SPHKAP: variants seen among roughly 807,000 people sequenced by gnomAD.
The protein encoded by SPHKAP is A-kinase anchor protein SPHKAP.
Under a neutral mutation model 137.5 loss-of-function variants are expected in SPHKAP, and 67 were observed. That is an observed-to-expected ratio of 0.49 (90% confidence interval 0.40 to 0.60). The LOEUF (loss-of-function observed/expected upper bound fraction) is 0.60. Ranked by LOEUF, SPHKAP falls within the 20% of genes least tolerant of loss-of-function variation. The pLI is 0.00. For synonymous variants in SPHKAP, 813 were observed against 785.3 expected (o/e 1.04, Z -0.59); for missense variants, 2,097 against 2,069.3 (o/e 1.01, Z -0.26).
chr2:228,077,182 A>G (rs1467031626), intron 3 of SPHKAP, among the ~76,000 whole-genome samples: 1 of 152,206 alleles, frequency 6.6e-6, no homozygotes, highest in Non-Finnish European at 1.5e-5. Context: ...CGAGGTCCTC[A>G]TGGAGAACCT....
At chr2:228,094,661 C>T (rs1240301851) in intron 3 of SPHKAP, among the ~76,000 whole-genome samples, 1 of 152,046 alleles carries the variant, frequency 6.6e-6, no homozygotes, top group Non-Finnish European at 1.5e-5. Flanking sequence ...TGAATCAGCT[C>T]CTTTGGAATT....
intron 1 of SPHKAP, among the ~76,000 whole-genome samples, chr2:228,170,331 C>T (rs551614672): frequency 1.2e-4 from 18 of 152,214 alleles, no homozygotes; most frequent in African/African-American, 2.4e-4. Flanking sequence ...AATGCATAAA[C>T]TTAACTGATA....
In SPHKAP at chr2:228,013,252, T is replaced by C. The variant is rs779520366; in HGVS notation, c.4448+3154A>G. Among the ~76,000 whole-genome samples, 5 of 152,176 alleles carry C rather than the reference T, an allele frequency of 3.3e-5. No homozygotes were observed. In the South Asian group the frequency reaches 8.3e-4, roughly 25 times the overall value. On this transcript the variant is annotated intron_variant, in intron 7 of 11. Transcript: ENST00000392056. ...AAATCTTCACAGTGTTTGTAAGATA[T>C]TCCTTTTTCTTTTTTTTGAGACAGA...
At chr2:228,053,170 C>A (rs1696317267) in intron 3 of SPHKAP, among the ~76,000 whole-genome samples, 1 of 152,154 alleles carries the variant, frequency 6.6e-6, no homozygotes, top group Admixed American at 6.5e-5. Context: ...ATCTCTCTTC[C>A]CCCTGGTGTC....
intron 2 of SPHKAP, among the ~76,000 whole-genome samples, chr2:228,127,093 A>G (rs947610949): frequency 1.3e-5 from 2 of 152,194 alleles, no homozygotes; most frequent in African/African-American, 2.4e-5. Context: ...ACAGATTTCA[A>G]TTATCCGTGT....
At chr2:228,022,404 G>A (rs1008152236) in intron 5 of SPHKAP, among the ~76,000 whole-genome samples, 1 of 152,126 alleles carries the variant, frequency 6.6e-6, no homozygotes, top group African/African-American at 2.4e-5. Context: ...TTTGATAATT[G>A]GCTTTACCCA....
At chr2:228,053,080 A>G (rs1696314258) in intron 3 of SPHKAP, among the ~76,000 whole-genome samples, 1 of 152,026 alleles carries the variant, frequency 6.6e-6, no homozygotes, top group Non-Finnish European at 1.5e-5. Flanking sequence ...TGCTGACTTG[A>G]TTCCTGCTGA....
intron 1 of SPHKAP, chr2:228,173,040 T>A: frequency 1.0e-6 from 1 of 985,406 alleles, no homozygotes; most frequent in Non-Finnish European, 1.2e-6. Context: ...AAAGAGTGAA[T>A]TTGGTAGGGT....
chr2:228,079,276 G>A (rs898380605), intron 3 of SPHKAP, among the ~76,000 whole-genome samples: 4 of 152,322 alleles, frequency 2.6e-5, no homozygotes, highest in Non-Finnish European at 4.4e-5. Flanking sequence ...CTGACAGGAG[G>A]CAGAGCTCAG....
chr2:228,140,806 C>T (rs954527830), intron 1 of SPHKAP, among the ~76,000 whole-genome samples: 56 of 151,940 alleles, frequency 3.7e-4, no homozygotes, highest in African/African-American at 1.3e-3. Flanking sequence ...GATGACACCC[C>T]CCTCTCGCTC....
At chr2:228,135,157 C>T (rs1475644567) in intron 1 of SPHKAP, among the ~76,000 whole-genome samples, 1 of 151,632 alleles carries the variant, frequency 6.6e-6, no homozygotes, top group African/African-American at 2.4e-5. Flanking sequence ...GCCTGTAATC[C>T]CAGCTACTCA....
At chr2:228,048,245 T>C (rs1272241715) in intron 3 of SPHKAP, among the ~76,000 whole-genome samples, 2 of 151,736 alleles carry the variant, frequency 1.3e-5, no homozygotes, top group Admixed American at 1.3e-4. Context: ...AACCCTGACG[T>C]AAAACTCAGT....
chr2:228,084,179 G>A (rs1275503900), intron 3 of SPHKAP, among the ~76,000 whole-genome samples: 1 of 151,704 alleles, frequency 6.6e-6, no homozygotes, highest in Non-Finnish European at 1.5e-5. Context: ...AAAACCTTCT[G>A]TCATCTGCCT....
At chr2:228,032,707 A>C (rs185099100) in intron 3 of SPHKAP, among the ~76,000 whole-genome samples, 9 of 152,342 alleles carry the variant, frequency 5.9e-5, no homozygotes, top group African/African-American at 1.9e-4. Flanking sequence ...GCCAGAAAAG[A>C]GTAGGGACCA....
At chr2:228,077,755 T>G (rs2106310412) in intron 3 of SPHKAP, among the ~76,000 whole-genome samples, 1 of 152,316 alleles carries the variant, frequency 6.6e-6, no homozygotes, top group African/African-American at 2.4e-5. Context: ...TTTGGGGGAC[T>G]GTTGGGAAGG....
In SPHKAP at chr2:228,025,387, G is replaced by A. The variant is rs757419830; in HGVS notation, c.441+7C>T. 2 of 1,613,612 alleles carry A rather than the reference G, an allele frequency of 1.2e-6. No individual in the cohort carries two copies. The highest frequency in any genetic ancestry group is 1.1e-5 in the South Asian group (1 of 91,072). The stretch of plus-strand genomic sequence containing the variant: ...AGTAAATGGCTTATCAAGAACTTAT[G>A]TCTTACCTGTGAAACTTCAAAATCT... On this transcript the variant is annotated splice_region_variant and intron_variant, in intron 5 of 11. Transcript: ENST00000392056.
intron 3 of SPHKAP, among the ~76,000 whole-genome samples, chr2:228,076,666 G>A (rs1697192842): frequency 6.6e-6 from 1 of 152,186 alleles, no homozygotes; most frequent in Admixed American, 6.5e-5. Context: ...GCATTGAAGA[G>A]GTGACTTGGG....
In SPHKAP at chr2:228,108,822, G is replaced by A. The variant is rs1269042680; in HGVS notation, c.246+10C>T. 6.3e-7 allele frequency: 1 copy of A among 1,591,928 alleles called. No homozygotes were observed. Among genetic ancestry groups the A allele is most frequent in the Admixed American group, 1.8e-5 (1 of 56,842 alleles). On this transcript the variant is annotated intron_variant, in intron 3 of 11. Coordinates refer to ENST00000392056, the MANE Select transcript of SPHKAP (RefSeq NM_001142644.2). ...TATCAGACAACATCCCAAGAATTCT[G>A]TGTACTTACAGAAGCACAGTTTTCA...
chr2:228,067,350 A>C (rs1416524752), intron 3 of SPHKAP, among the ~76,000 whole-genome samples: 2 of 152,240 alleles, frequency 1.3e-5, no homozygotes, highest in African/African-American at 4.8e-5. Flanking sequence ...AAAACTAATA[A>C]AATCTCAATA....
Sources: allele counts gnomAD v4.1 joint callset (sites outside exome capture counted in the v4.1 genomes callset), GRCh38; gene constraint gnomAD v4.1.1; transcripts MANE v1.5; gene names NCBI Gene and HGNC (gene_info 2026-07-23, HGNC 2026-07-21).